Variants in CTNNA3 observed in about 807,000 individuals in gnomAD.
CTNNA3 encodes the protein catenin alpha-3.
CTNNA3 carries 76 observed loss-of-function variants against 95.7 expected under a neutral mutation model. The observed-to-expected ratio is 0.79, with a 90% CI of 0.66 to 0.96. CTNNA3 has a LOEUF of 0.96. Among genes scored for constraint, CTNNA3 ranks in the 40% least tolerant of loss-of-function variants. The pLI, the probability that CTNNA3 is intolerant of heterozygous loss-of-function variation, is 0.00. For missense variants in CTNNA3, 1,191 were observed against 1,089.8 expected, an observed-to-expected ratio of 1.09 and a Z score of -1.31; for synonymous variants, 431 against 374.4, an observed-to-expected ratio of 1.15 and a Z score of -1.74.
At chr10:66,242,413 C>T (rs540411763) in intron 13 of CTNNA3, among the ~76,000 whole-genome samples, 14 of 151,824 alleles carry the variant, frequency 9.2e-5, no homozygotes, top group Middle Eastern at 3.4e-3. Context: ...AGATTGGAGA[C>T]GAAAATGATA....
chr10:66,442,823 G>T (rs1458895511), intron 11 of CTNNA3, among the ~76,000 whole-genome samples: 5 of 152,122 alleles, frequency 3.3e-5, no homozygotes, highest in Non-Finnish European at 4.4e-5. Flanking sequence ...GACAGTGGGT[G>T]CAGTGCACCA....
chr10:67,012,697 T>C (rs1300786692), intron 7 of CTNNA3, among the ~76,000 whole-genome samples: 3 of 152,132 alleles, frequency 2.0e-5, no homozygotes, highest in Non-Finnish European at 4.4e-5. Flanking sequence ...CTTGGACAAA[T>C]GTAATCACGT....
intron 11 of CTNNA3, among the ~76,000 whole-genome samples, chr10:66,445,923 C>T (rs1036419453): frequency 2.6e-5 from 4 of 151,940 alleles, no homozygotes; most frequent in Admixed American, 1.3e-4. Flanking sequence ...TGATAGACCG[C>T]TATCAAGGCT....
At chr10:67,737,657 C>T (rs888542377) in intron 1 of CTNNA3, among the ~76,000 whole-genome samples, 1 of 152,120 alleles carries the variant, frequency 6.6e-6, no homozygotes, top group Non-Finnish European at 1.5e-5. Context: ...TGAAAAAATG[C>T]TCATCATCAC....
Position 67,578,996 on chromosome 10 carries a change from GATATATATATAT to G in CTNNA3, c.292+27849_292+27860del, listed in dbSNP as rs533690910. Among the ~76,000 whole-genome samples the G allele has an allele frequency of 7.2e-3, 629 of 87,054 alleles. 12 individuals are homozygous for G. Among genetic ancestry groups the G allele is most frequent in the African/African-American group, 0.021 (505 of 24,538 alleles). 57.1% of individuals were successfully genotyped at this position (87,054 alleles called of 152,430 possible). On this transcript the variant is annotated intron_variant, in intron 3 of 17. Transcript: ENST00000433211. ...GATATAAAACCCACCTGATCATAGT[GATATATATATAT>G]ATATATATATATATATATATATATA...
chr10:67,323,996 C>T (rs1347613624), intron 5 of CTNNA3, among the ~76,000 whole-genome samples: 1 of 151,890 alleles, frequency 6.6e-6, no homozygotes, highest in Non-Finnish European at 1.5e-5. Context: ...AGATTATGTT[C>T]CTGATTTGAT....
chr10:67,520,558 C>T (rs954805214), intron 5 of CTNNA3, among the ~76,000 whole-genome samples: 9 of 152,092 alleles, frequency 5.9e-5, no homozygotes, highest in Non-Finnish European at 7.4e-5. Flanking sequence ...TATAGTAGCA[C>T]TCAGTAACCA....
intron 14 of CTNNA3, among the ~76,000 whole-genome samples, chr10:66,075,620 T>C (rs940908060): frequency 2.0e-5 from 3 of 151,806 alleles, no homozygotes; most frequent in Non-Finnish European, 4.4e-5. Context: ...AAATGAAATA[T>C]TTTGAGTAAG....
intron 5 of CTNNA3, among the ~76,000 whole-genome samples, chr10:67,234,936 C>T (rs1419221234): frequency 6.8e-6 from 1 of 146,452 alleles, no homozygotes; most frequent in African/African-American, 2.6e-5. Flanking sequence ...GAATAAAATA[C>T]CTAGGAATCC....
intron 10 of CTNNA3, among the ~76,000 whole-genome samples, chr10:66,550,562 CAAG>C (rs1842183719): frequency 6.6e-6 from 1 of 152,094 alleles, no homozygotes; most frequent in East Asian, 1.9e-4. Context: ...ATATGGCCTG[CAAG>C]ATGAAAATAT....
At chr10:67,380,356 C>G (rs1219711666) in intron 5 of CTNNA3, among the ~76,000 whole-genome samples, 1 of 151,986 alleles carries the variant, frequency 6.6e-6, no homozygotes, top group African/African-American at 2.4e-5. Context: ...CAAGTAAAAC[C>G]TTTTCATGAA....
chr10:66,571,135 C>A (rs979116397), intron 10 of CTNNA3, among the ~76,000 whole-genome samples: 3 of 152,134 alleles, frequency 2.0e-5, no homozygotes, highest in African/African-American at 7.2e-5. Flanking sequence ...TGTATTTATT[C>A]TCTTTCCATT....
intron 11 of CTNNA3, among the ~76,000 whole-genome samples, chr10:66,458,364 T>C (rs984595090): frequency 6.6e-6 from 1 of 152,210 alleles, no homozygotes; most frequent in African/African-American, 2.4e-5. Flanking sequence ...TCATTTAATA[T>C]AATTTCTTCA....
Position 66,759,682 on chromosome 10 carries a change from G to A in CTNNA3, c.1281+6582C>T, listed in dbSNP as rs1196659034. Among the ~76,000 whole-genome samples, 3 of 152,302 alleles carry A rather than the reference G, an allele frequency of 2.0e-5. No individual in the cohort carries two copies. In the East Asian group the frequency reaches 5.8e-4, roughly 29 times the overall value. On this transcript the variant is annotated intron_variant, in intron 9 of 17. Coordinates refer to ENST00000433211, the MANE Select transcript of CTNNA3 (RefSeq NM_013266.4). ...CTCATTATCTACCTAGAACTGCACT[G>A]TCTGATATCTGGCCACCAGCCATGT...
At chr10:67,594,297 G>A (rs770342958) in intron 3 of CTNNA3, among the ~76,000 whole-genome samples, 3 of 152,036 alleles carry the variant, frequency 2.0e-5, no homozygotes, top group Non-Finnish European at 2.9e-5. Flanking sequence ...CCTCCTCCTC[G>A]ATTTTTTGAA....
chr10:67,120,524 T>A (rs1176129218), intron 7 of CTNNA3, among the ~76,000 whole-genome samples: 1 of 151,946 alleles, frequency 6.6e-6, no homozygotes, highest in Non-Finnish European at 1.5e-5. Flanking sequence ...AGAAGTTATG[T>A]GGCATTTGAA....
chr10:67,395,320 G>A (rs946269182), intron 5 of CTNNA3, among the ~76,000 whole-genome samples: 2 of 152,092 alleles, frequency 1.3e-5, no homozygotes, highest in Non-Finnish European at 2.9e-5. Flanking sequence ...CTTTCTGTTA[G>A]GAGAAAAACT....
intron 5 of CTNNA3, among the ~76,000 whole-genome samples, chr10:67,517,832 T>C (rs1213417064): frequency 6.6e-6 from 1 of 152,122 alleles, no homozygotes; most frequent in Non-Finnish European, 1.5e-5. Flanking sequence ...CCAAAAACAT[T>C]CTATCCCATA....
intron 11 of CTNNA3, among the ~76,000 whole-genome samples, chr10:66,458,843 G>A (rs78750222): frequency 0.062 from 9,369 of 152,158 alleles, 581 homozygotes; most frequent in East Asian, 0.23. Flanking sequence ...GCATTTGGGC[G>A]GTGATAATCT....
Sources: gnomAD v4.1 joint callset for allele counts (sites outside exome capture counted in the v4.1 genomes callset) on GRCh38, gnomAD v4.1.1 for gene constraint, MANE v1.5 for transcripts, NCBI Gene and HGNC (gene_info 2026-07-23, HGNC 2026-07-21) for gene names.